ATP6V1G1: variants seen among roughly 807,000 people sequenced by gnomAD.
ATP6V1G1 encodes ATPase H+ transporting V1 subunit G1.
ATP6V1G1 carries 14 observed loss-of-function variants against 14.2 expected under a neutral mutation model. The ratio of observed to expected loss-of-function variants is 0.99; its 90% CI spans 0.65 to 1.55. The LOEUF (loss-of-function observed/expected upper bound fraction) is 1.55. ATP6V1G1 is among the 40% of genes most tolerant of loss of function. The pLI is 0.00. For synonymous variants in ATP6V1G1, 65 were observed against 53.3 expected (o/e 1.22, Z -0.96); for missense variants, 137 against 146.4 (o/e 0.94, Z 0.33).
rs368939190 is a variant in ATP6V1G1, at chr9:114,587,825, G to A, written c.-14G>A. On this transcript the variant is annotated 5_prime_UTR_variant, in exon 1 of 3. Coordinates refer to ENST00000374050, the MANE Select transcript of ATP6V1G1 (RefSeq NM_004888.4). The stretch of plus-strand genomic sequence containing the variant: ...CCTTAGGCCGCTTGCCTTGCTCTCA[G>A]AATCGCTGCCGCCATGGCTAGTCAG... The A allele has an allele frequency of 6.8e-4, 1,078 of 1,579,056 alleles. No homozygotes were observed. The highest frequency in any genetic ancestry group is 8.6e-4 in the Non-Finnish European group (1,002 of 1,162,468).
At chr9:114,590,211 AAAC>A in intron 1 of ATP6V1G1, among the ~76,000 whole-genome samples, 1 of 151,574 alleles carries the variant, frequency 6.6e-6, no homozygotes, top group East Asian at 2.0e-4. Flanking sequence ...AAAAAAAAAA[AAAC>A]AAAAAACAAA....
intron 2 of ATP6V1G1, among the ~76,000 whole-genome samples, chr9:114,596,528 A>G (rs1845240463): frequency 6.6e-6 from 1 of 152,200 alleles, no homozygotes; most frequent in South Asian, 2.1e-4. Flanking sequence ...TTGCAAGAAT[A>G]GATGTGACAC....
At position 114,590,193 on chromosome 9, in the gene ATP6V1G1, C is replaced by T. The variant is rs1418067543; in HGVS notation, c.82+2273C>T. Among the ~76,000 whole-genome samples the T allele has an allele frequency of 1.0e-4, 13 of 128,434 alleles. No individual in the cohort carries two copies. In the South Asian group the frequency reaches 3.1e-3, roughly 31 times the overall value. The allele number at this position is 128,434 out of a possible 152,430, so 84.3% of individuals were successfully genotyped here. ...CAGCCTTGGGGACAGAGGGAGACGC[C>T]GTCTCAAAAAAAAAAAAAAACAAAA... On this transcript the variant is annotated intron_variant, in intron 1 of 2. Transcript: ENST00000374050.
intron 2 of ATP6V1G1, among the ~76,000 whole-genome samples, chr9:114,593,982 T>C (rs1845209044): frequency 1.3e-5 from 2 of 151,958 alleles, no homozygotes; most frequent in South Asian, 2.1e-4. Context: ...ATTCTTGAAC[T>C]GGGGCTGATA....
intron 1 of ATP6V1G1, among the ~76,000 whole-genome samples, chr9:114,591,492 G>A (rs1845181810): frequency 6.6e-6 from 1 of 152,192 alleles, no homozygotes; most frequent in Non-Finnish European, 1.5e-5. Flanking sequence ...GGTGGCCGAA[G>A]CAGACAGTAG....
chr9:114,588,152 G>C (rs1444601346), intron 1 of ATP6V1G1: 1 of 574,008 alleles, frequency 1.7e-6, no homozygotes, highest in Admixed American at 3.1e-5. Context: ...ATGGGTTACC[G>C]TCCTTGGGGC....
chr9:114,593,650 T>A (rs570046411), intron 2 of ATP6V1G1, among the ~76,000 whole-genome samples: 1 of 152,242 alleles, frequency 6.6e-6, no homozygotes, highest in African/African-American at 2.4e-5. Context: ...GCATGATCCA[T>A]CATGCTCAGC....
At chr9:114,591,166 A>G (rs1331373044) in intron 1 of ATP6V1G1, among the ~76,000 whole-genome samples, 1 of 152,226 alleles carries the variant, frequency 6.6e-6, no homozygotes, top group African/African-American at 2.4e-5. Flanking sequence ...ACTGGCTCCC[A>G]TATGTAAGGC....
Position 114,597,571 on chromosome 9 carries a change from C to A in ATP6V1G1, c.185C>A (p.Ala62Glu). 6.7e-7 allele frequency: 1 copy of A among 1,496,438 alleles called. No homozygotes were observed. The highest frequency in any genetic ancestry group is 8.9e-7 in the Non-Finnish European group (1 of 1,122,324). 92.7% of individuals were successfully genotyped at this position (1,496,438 alleles called of 1,614,324 possible). The part of the protein sequence containing the change: ...EKEFKAKEAA[A>E]LGSRGSCSTE... ...CGTGACATCACTCCCCATCTCCAGG[C>A]ATTGGGATCCCGTGGCAGTTGCAGC... is the stretch of plus-strand genomic sequence containing the variant. The change falls in exon 3 of 3, where the codon GCA becomes GAA. Residue 62 changes from alanine (A) to glutamate (E), a missense_variant and splice_region_variant. By Grantham distance (107) the Ala-to-Glu change is moderately radical (BLOSUM62 -1). Coordinates refer to ENST00000374050, the MANE Select transcript of ATP6V1G1 (RefSeq NM_004888.4).
In ATP6V1G1 at chr9:114,587,862, T is replaced by G; in HGVS notation, c.24T>G (p.Ile8Met). Reference protein sequence around the residue: MASQSQGIQQLLQAEKRA... With the variant: MASQSQGMQQLLQAEKRA... ...CCATGGCTAGTCAGTCTCAGGGGAT[T>G]CAGCAGCTGCTGCAGGCCGAGAAGC... Residue 8 changes from isoleucine to methionine, a missense_variant, in exon 1 of 3, where the codon ATT becomes ATG. Physicochemically the swap from Ile to Met is conservative, Grantham distance 10. Coordinates refer to ENST00000374050, the MANE Select transcript of ATP6V1G1 (RefSeq NM_004888.4). The G allele has an allele frequency of 6.3e-7, 1 of 1,594,704 alleles. No individual in the cohort carries two copies. The highest frequency in any genetic ancestry group is 8.5e-7 in the Non-Finnish European group (1 of 1,171,286).
chr9:114,597,511 C>G, intron 2 of ATP6V1G1, 59 bp from the exon 3 acceptor site: 2 of 1,390,526 alleles, frequency 1.4e-6, no homozygotes, highest in Non-Finnish European at 1.9e-6. Flanking sequence ...ACGAAATGTA[C>G]CTGACCAACC....
At chr9:114,595,831 G>A (rs1037326106) in intron 2 of ATP6V1G1, among the ~76,000 whole-genome samples, 6 of 152,056 alleles carry the variant, frequency 3.9e-5, no homozygotes. Flanking sequence ...GTGAGGAATA[G>A]GTAATGGAGA....
chr9:114,591,689 C>T (rs955347974), intron 1 of ATP6V1G1, among the ~76,000 whole-genome samples: 2 of 152,076 alleles, frequency 1.3e-5, no homozygotes, highest in Admixed American at 6.6e-5. Context: ...TTCACTCATT[C>T]GCGTGGACTC....
rs1218314395 is a variant in ATP6V1G1 at position 114,598,115 on chromosome 9, T to G, written c.*372T>G. The G allele has an allele frequency of 6.5e-6, 1 of 153,764 alleles. No homozygotes were observed. The highest frequency in any genetic ancestry group is 1.5e-5 in the Non-Finnish European group (1 of 68,914). The allele number at this position is 153,764 out of a possible 1,614,324, so 9.5% of individuals were successfully genotyped here. A position where few individuals can be genotyped will look rare whatever the true frequency, so the allele number is the denominator to read the frequency against. Reference sequence around the variant, plus strand: ...GAAAGGAAGGGATTAAATAATTTTTTTCCCTAACACTTTCTTGAAGGTCAG... The same window carrying G: ...GAAAGGAAGGGATTAAATAATTTTTGTCCCTAACACTTTCTTGAAGGTCAG... On this transcript the variant is annotated 3_prime_UTR_variant, in exon 3 of 3. Coordinates refer to ENST00000374050, the MANE Select transcript of ATP6V1G1 (RefSeq NM_004888.4).
intron 2 of ATP6V1G1, among the ~76,000 whole-genome samples, chr9:114,594,641 C>A (rs552990014): frequency 6.6e-6 from 1 of 152,116 alleles, no homozygotes; most frequent in South Asian, 2.1e-4. Context: ...CCTTGGCCTC[C>A]CAAAATGCTG....
Position 114,588,025 on chromosome 9 carries a change from T to G in ATP6V1G1, c.82+105T>G, listed in dbSNP as rs573304799. ...CCCGAAAAACTGCGGGGTGCGGGCG[T>G]GCGTATAGTCGCGGAAGGTTGTGTG... is the stretch of plus-strand genomic sequence containing the variant. On this transcript the variant is annotated intron_variant, in intron 1 of 2. Coordinates refer to ENST00000374050, the MANE Select transcript of ATP6V1G1 (RefSeq NM_004888.4). 1.1e-3 allele frequency: 1,343 copies of G among 1,237,230 alleles called. 1 individual carries two copies. Among genetic ancestry groups the G allele is most frequent in the Admixed American group, 2.5e-3 (116 of 45,552 alleles). 76.6% of individuals were successfully genotyped at this position (1,237,230 alleles called of 1,614,324 possible).
chr9:114,588,509 CA>C (rs1712082776), intron 1 of ATP6V1G1, among the ~76,000 whole-genome samples: 2 of 89,390 alleles, frequency 2.2e-5, no homozygotes, highest in Non-Finnish European at 4.3e-5. Flanking sequence ...GTGGCAAGCG[CA>C]GTGTGTGTGT....
rs371415206 is a variant in ATP6V1G1 at position 114,587,898 on chromosome 9, G to C, written c.60G>C (p.Glu20Asp). The change falls in exon 1 of 3, where the codon GAG becomes GAC. Residue 20 changes from glutamate (E) to aspartate (D), a missense_variant. Transcript: ENST00000374050. ...TGCAGGCCGAGAAGCGGGCAGCCGA[G>C]AAGGTGTCCGAGGCCCGCAAAAGTG... Reference protein sequence around the residue: ...QLLQAEKRAAEKVSEARKRKN... With the variant: ...QLLQAEKRAADKVSEARKRKN... The C allele has an allele frequency of 3.2e-6, 5 of 1,585,610 alleles. No individual in the cohort carries two copies. The African/African-American group carries it at 6.7e-5, about 21-fold the overall frequency.
At chr9:114,597,151 C>G (rs1029540376) in intron 2 of ATP6V1G1, among the ~76,000 whole-genome samples, 1 of 151,608 alleles carries the variant, frequency 6.6e-6, no homozygotes, top group East Asian at 1.9e-4. Flanking sequence ...CTACCACGCC[C>G]GGCTAATTTT....
Sources: allele counts gnomAD v4.1 joint callset (sites outside exome capture counted in the v4.1 genomes callset), GRCh38; gene constraint gnomAD v4.1.1; transcripts MANE v1.5; gene names NCBI Gene and HGNC (gene_info 2026-07-23, HGNC 2026-07-21).